KNL1: variants seen among roughly 807,000 people sequenced by gnomAD.
KNL1 encodes the protein outer kinetochore KNL1 complex subunit KNL1.
A neutral mutation model predicts 201.3 loss-of-function variants in KNL1; 66 were observed. The ratio of observed to expected loss-of-function variants is 0.33; its 90% CI spans 0.27 to 0.40. KNL1 has a LOEUF of 0.40. KNL1 is among the 10% of genes least tolerant of loss of function. The pLI, the probability that KNL1 is intolerant of heterozygous loss-of-function variation, is 1.00. For missense variants in KNL1, 2,815 were observed against 2,690.5 expected, an observed-to-expected ratio of 1.05 and a Z score of -1.02; for synonymous variants, 895 against 899.2, an observed-to-expected ratio of 1.00 and a Z score of 0.08.
intron 6 of KNL1, 82 bp downstream of exon 6, chr15:40,610,379 C>A: frequency 1.3e-6 from 1 of 753,396 alleles, no homozygotes; most frequent in South Asian, 1.5e-5. Flanking sequence ...ACTAATATAA[C>A]TTATTGTCTA....
intron 1 of KNL1, among the ~76,000 whole-genome samples, chr15:40,602,041 T>C (rs2141696318): frequency 6.7e-6 from 1 of 150,032 alleles, no homozygotes; most frequent in East Asian, 2.0e-4. Flanking sequence ...GTTTTTGTTT[T>C]TTTTTTGAGA....
intron 13 of KNL1, among the ~76,000 whole-genome samples, chr15:40,635,397 C>G (rs1893026747): frequency 6.6e-6 from 1 of 151,910 alleles, no homozygotes; most frequent in Non-Finnish European, 1.5e-5. Context: ...TCTTCTTGCC[C>G]AGGCTGGAGT....
At position 40,624,451 on chromosome 15, in the gene KNL1, G is replaced by C. The variant is rs1300597644; in HGVS notation, c.4187G>C (p.Arg1396Pro). The C allele has an allele frequency of 6.2e-7, 1 of 1,613,676 alleles. No homozygotes were observed. ...HKDQDLIKDPRNLLANQTLVY... is the reference protein window; with the variant it reads ...HKDQDLIKDPPNLLANQTLVY... ...GATCAAGATCTGATTAAGGATCCAC[G>C]AAATCTATTGGCTAATCAAACTTTA... The change falls in exon 10 of 26, where the codon CGA (arginine) becomes CCA (proline). Residue 1396 changes from arginine (R) to proline (P), a missense_variant. By Grantham distance (103) the Arg-to-Pro change is moderately radical. Around this residue, in one of 3 missense-constraint regions of KNL1, gnomAD observed 2,464 missense variants for 2,291.7 expected, o/e 1.08. Coordinates refer to ENST00000399668, the MANE Select transcript of KNL1 (RefSeq NM_144508.5).
At chr15:40,630,368 C>G (rs1595932434) in intron 13 of KNL1, among the ~76,000 whole-genome samples, 2 of 152,282 alleles carry the variant, frequency 1.3e-5, no homozygotes, top group Middle Eastern at 3.4e-3. Context: ...ATCATCTAAT[C>G]TTGATCCAAT....
intron 23 of KNL1, 95 bp downstream of exon 23, chr15:40,657,246 A>G: frequency 9.9e-7 from 1 of 1,011,148 alleles, no homozygotes; most frequent in East Asian, 2.4e-5. Context: ...GGATCCTGAA[A>G]TGATAAATGT....
chr15:40,624,353 T>A lies in KNL1; in HGVS notation c.4089T>A (p.Pro1363=), dbSNP rs1452543467. 1.2e-6 allele frequency: 2 copies of A among 1,613,770 alleles called. No individual in the cohort carries two copies. Among genetic ancestry groups the A allele is most frequent in the African/African-American group, 2.7e-5 (2 of 74,940 alleles). ...GACAGCCTCTCTCTGCTCCTTGTCC[T>A]TTGTTAGAGAAGGAAGAAGTTATTC... is the stretch of plus-strand genomic sequence containing the variant. ...SEGQPLSAPC[P]LLEKEEVIQT... Residue 1363 remains proline (P), a synonymous_variant, in exon 10 of 26, where the codon CCT becomes CCA. Transcript: ENST00000399668.
chr15:40,638,361 T>C (rs1893121066), intron 13 of KNL1, among the ~76,000 whole-genome samples: 2 of 152,134 alleles, frequency 1.3e-5, no homozygotes, highest in Non-Finnish European at 2.9e-5. Context: ...CATGCCCAGC[T>C]AAAGTTTAAA....
intron 13 of KNL1, among the ~76,000 whole-genome samples, chr15:40,635,374 G>C (rs1248325794): frequency 1.3e-5 from 2 of 149,668 alleles, no homozygotes; most frequent in African/African-American, 2.5e-5. Flanking sequence ...TGTTTTTTGA[G>C]ATGGAATTTC....
chr15:40,626,327 C>CTT lies in KNL1; in HGVS notation c.5376+701_5376+702dup, dbSNP rs540280443. ...GGCACCACACCCGGCTAATTTCTTT[C>CTT]TTTTTTTTTTTTTTTGTATTTTTAG... On this transcript the variant is annotated intron_variant, in intron 10 of 25. Transcript: ENST00000399668. Among the ~76,000 whole-genome samples the CTT allele has an allele frequency of 9.6e-4, 130 of 135,342 alleles. 1 individual carries two copies. Among genetic ancestry groups the CTT allele is most frequent in the Middle Eastern group, 3.8e-3 (1 of 266 alleles). 88.8% of individuals were successfully genotyped at this position (135,342 alleles called of 152,430 possible).
At chr15:40,636,583 C>A (rs981315460) in intron 13 of KNL1, among the ~76,000 whole-genome samples, 5 of 152,064 alleles carry the variant, frequency 3.3e-5, no homozygotes, top group African/African-American at 7.2e-5. Context: ...AATCCCAGTA[C>A]TTTGGGAGGC....
intron 8 of KNL1, among the ~76,000 whole-genome samples, chr15:40,618,494 T>C (rs929043557): frequency 3.3e-5 from 5 of 152,026 alleles, no homozygotes; most frequent in Admixed American, 2.6e-4. Flanking sequence ...ACTTCTACTA[T>C]CCAGGAAATA....
At chr15:40,629,153 T>C (rs987397452) in intron 12 of KNL1, 120 bp from the exon 13 acceptor site, 12 of 548,996 alleles carry the variant, frequency 2.2e-5, no homozygotes, top group South Asian at 1.7e-4. Context: ...CCTGCAGATA[T>C]CTGGATAATA....
At chr15:40,643,104 C>T (rs1450455315) in intron 14 of KNL1, 2 of 152,188 alleles carry the variant, frequency 1.3e-5, no homozygotes, top group African/African-American at 4.8e-5. Context: ...TATATTGAGA[C>T]TATCATAACT....
rs1378619338 is a variant in KNL1, at chr15:40,659,368, C to G, written c.6743C>G (p.Ala2248Gly). Residue 2248 changes from alanine to glycine, a missense_variant, in exon 25 of 26, where the codon GCA (alanine) becomes GGA (glycine). Physicochemically the swap from Ala to Gly is moderately conservative, Grantham distance 60 (BLOSUM62 0). Around this residue, in one of 3 missense-constraint regions of KNL1, gnomAD observed 334 missense variants for 362.6 expected, o/e 0.92. Coordinates refer to ENST00000399668, the MANE Select transcript of KNL1 (RefSeq NM_144508.5). ...AGACTTTTATTCTCTAGCTCCGCAGCATTTGCAAAGTTTGAAATAACTTTG... is the reference window on the plus strand; with the variant it reads ...AGACTTTTATTCTCTAGCTCCGCAGGATTTGCAAAGTTTGAAATAACTTTG... ...ELRLLFSSSAAFAKFEITLFL... is the reference protein window; with the variant it reads ...ELRLLFSSSAGFAKFEITLFL... The G allele has an allele frequency of 2.5e-6, 4 of 1,612,840 alleles. No individual in the cohort carries two copies. In the African/African-American group the frequency reaches 4.0e-5, roughly 16 times the overall value.
intron 13 of KNL1, among the ~76,000 whole-genome samples, chr15:40,637,368 G>GA (rs146206537): frequency 2.2e-5 from 3 of 138,422 alleles, no homozygotes; most frequent in African/African-American, 8.2e-5. Flanking sequence ...GATTAACAGC[G>GA]TTTTTTTTTT....
intron 8 of KNL1, among the ~76,000 whole-genome samples, chr15:40,618,093 T>C (rs1049941610): frequency 1.2e-4 from 18 of 150,608 alleles, no homozygotes; most frequent in Non-Finnish European, 5.9e-5. Context: ...CTTTAAACTT[T>C]AAATGTAAGT....
intron 10 of KNL1, among the ~76,000 whole-genome samples, chr15:40,626,565 G>A (rs1892759710): frequency 6.6e-6 from 1 of 151,378 alleles, no homozygotes; most frequent in African/African-American, 2.4e-5. Flanking sequence ...CTGTCATGGA[G>A]TTTACATAAT....
At chr15:40,637,313 T>C (rs1893085254) in intron 13 of KNL1, among the ~76,000 whole-genome samples, 1 of 142,182 alleles carries the variant, frequency 7.0e-6, no homozygotes, top group African/African-American at 2.6e-5. Context: ...TGCCCAAATA[T>C]TTCTCTGCCC....
At chr15:40,658,383 G>T (rs1893795970) in intron 24 of KNL1, among the ~76,000 whole-genome samples, 2 of 151,494 alleles carry the variant, frequency 1.3e-5, no homozygotes, top group Non-Finnish European at 2.9e-5. Context: ...CAAAAAATTA[G>T]CCGGGCACGG....
Sources: gnomAD v4.1 joint callset for allele counts (sites outside exome capture counted in the v4.1 genomes callset) on GRCh38, gnomAD v4.1.1 for gene constraint, gnomAD v4.1.1 regional missense constraint, MANE v1.5 for transcripts, NCBI Gene and HGNC (gene_info 2026-07-23, HGNC 2026-07-21) for gene names.